Variants in C2CD3 observed in about 807,000 individuals in gnomAD.
The protein encoded by C2CD3 is C2 domain containing 3 centriole elongation regulator, also known as C2 domain-containing protein 3.
In C2CD3, 148 loss-of-function variants were observed where a neutral mutation model predicts 234.0. The ratio of observed to expected loss-of-function variants is 0.63; its 90% CI spans 0.55 to 0.72. The LOEUF (loss-of-function observed/expected upper bound fraction) is 0.72. C2CD3 is among the 30% of genes least tolerant of loss of function. The probability of loss-of-function intolerance (pLI) is 0.00; values close to 1 mark genes in which losing one functional copy is unlikely to be tolerated. For missense variants in C2CD3, 2,577 were observed against 2,811.5 expected, an observed-to-expected ratio of 0.92 and a Z score of 1.89; for synonymous variants, 1,000 against 1,035.4, an observed-to-expected ratio of 0.97 and a Z score of 0.66.
At chr11:74,150,140 GAC>G (rs1855497812) in intron 3 of C2CD3, among the ~76,000 whole-genome samples, 1 of 149,002 alleles carries the variant, frequency 6.7e-6, no homozygotes, top group Non-Finnish European at 1.5e-5. Context: ...GTACTTAATG[GAC>G]ACTTTCCTTT....
At chr11:74,092,635 T>G in intron 18 of C2CD3, 47 bp from the exon 19 acceptor site, 1 of 1,503,556 alleles carries the variant, frequency 6.7e-7, no homozygotes, top group Non-Finnish European at 9.2e-7. Context: ...AGGTGATAAA[T>G]GATTCAGTCT....
Position 74,028,325 on chromosome 11 carries a change from G to GT in C2CD3, c.6882dup (p.Leu2295ThrfsTer33). 6.5e-7 allele frequency: 1 copy of GT among 1,536,108 alleles called. No individual in the cohort carries two copies. The highest frequency in any genetic ancestry group is 8.7e-7 in the Non-Finnish European group (1 of 1,146,860). Reference sequence around the variant, plus strand: ...GCTGCTGGTGGCAAAGTTGCTGAGAGTGAAAGCATCCGCAGGGAAGCCTCC... The same window carrying GT: ...GCTGCTGGTGGCAAAGTTGCTGAGAGTTGAAAGCATCCGCAGGGAAGCCTCC... On this transcript the variant is annotated frameshift_variant, in exon 32 of 33. Transcript: ENST00000334126. LOFTEE classifies it high-confidence loss of function.
At chr11:74,056,684 C>T (rs537605760) in intron 25 of C2CD3, among the ~76,000 whole-genome samples, 2 of 152,304 alleles carry the variant, frequency 1.3e-5, no homozygotes, top group African/African-American at 4.8e-5. Flanking sequence ...CACCAGAAGT[C>T]TTTTCCAAGG....
At chr11:74,020,724 C>A (rs564278884) in intron 32 of C2CD3, among the ~76,000 whole-genome samples, 8 of 152,320 alleles carry the variant, frequency 5.3e-5, no homozygotes, top group Middle Eastern at 6.8e-3. Flanking sequence ...TGGCTTTGCA[C>A]ATTTGTTAAA....
Position 74,106,408 on chromosome 11 carries a change from T to C in C2CD3, c.2048A>G (p.Gln683Arg). Reference sequence around the variant, plus strand: ...AAATGGAGACTGACCATTTTCTTGTTGCACTGGAAGCTGATCACTGAAAGA... The same window carrying C: ...AAATGGAGACTGACCATTTTCTTGTCGCACTGGAAGCTGATCACTGAAAGA... ...LLSFSDQLPV[Q>R]QENGQSPFGP... The change falls in exon 13 of 33, where the codon CAA (glutamine) becomes CGA (arginine). Residue 683 changes from glutamine (Q) to arginine (R), a missense_variant. Gln to Arg is a conservative substitution (Grantham distance 43). Transcript: ENST00000334126. 1.9e-6 allele frequency: 3 copies of C among 1,614,166 alleles called. No individual in the cohort carries two copies. Among genetic ancestry groups the C allele is most frequent in the Non-Finnish European group, 2.5e-6 (3 of 1,179,996 alleles).
chr11:74,121,178 C>G (rs940212150), intron 8 of C2CD3, among the ~76,000 whole-genome samples: 2 of 152,262 alleles, frequency 1.3e-5, no homozygotes, highest in Middle Eastern at 3.4e-3. Flanking sequence ...GAAAAACATA[C>G]AGGCTTTTTG....
At chr11:74,021,206 T>C (rs1952069736) in intron 32 of C2CD3, among the ~76,000 whole-genome samples, 1 of 152,034 alleles carries the variant, frequency 6.6e-6, no homozygotes, top group African/African-American at 2.4e-5. Context: ...ATCATGCCAC[T>C]GCACTCCAGT....
At chr11:74,017,735 C>T (rs538528496) in intron 32 of C2CD3, among the ~76,000 whole-genome samples, 1 of 152,216 alleles carries the variant, frequency 6.6e-6, no homozygotes, top group African/African-American at 2.4e-5. Flanking sequence ...CGGGCTTATC[C>T]CGGCCCTTGG....
At chr11:74,096,882 T>G (rs1565289067) in intron 16 of C2CD3, among the ~76,000 whole-genome samples, 1 of 152,168 alleles carries the variant, frequency 6.6e-6, no homozygotes, top group East Asian at 1.9e-4. Flanking sequence ...TGGTGGTTCA[T>G]GCTTGTAATC....
At chr11:74,155,392 C>T (rs565888528) in intron 3 of C2CD3, among the ~76,000 whole-genome samples, 1 of 152,270 alleles carries the variant, frequency 6.6e-6, no homozygotes, top group African/African-American at 2.4e-5. Context: ...CCAGCAATTC[C>T]ACTTGTAGGC....
intron 5 of C2CD3, among the ~76,000 whole-genome samples, chr11:74,137,422 C>T (rs1957900520): frequency 6.6e-6 from 1 of 151,856 alleles, no homozygotes; most frequent in Admixed American, 6.6e-5. Flanking sequence ...AAGTCTGGTG[C>T]TCAAGTCTAC....
Position 74,034,056 on chromosome 11 carries a change from T to G in C2CD3, c.6104A>C (p.His2035Pro). 6.5e-7 allele frequency: 1 copy of G among 1,536,412 alleles called. No individual in the cohort carries two copies. Among genetic ancestry groups the G allele is most frequent in the Non-Finnish European group, 8.7e-7 (1 of 1,146,968 alleles). ...EETSNGGRML[H>P]ESLRHAVPIT... ...GGGTACTGCATGCCTCAGGGACTCA[T>G]GGAGCATTCTTCCTCCATTTGAAGT... Residue 2035 changes from histidine to proline, a missense_variant, in exon 31 of 33, where the codon CAT (histidine) becomes CCT (proline). Coordinates refer to ENST00000334126, the MANE Select transcript of C2CD3 (RefSeq NM_001286577.2).
chr11:74,155,557 C>T (rs990038755), intron 3 of C2CD3, among the ~76,000 whole-genome samples: 35 of 151,918 alleles, frequency 2.3e-4, no homozygotes, highest in South Asian at 2.1e-4. Flanking sequence ...ATTATTCATC[C>T]ACAAAAAGGG....
chr11:74,042,096 G>A lies in C2CD3; in HGVS notation c.5618C>T (p.Thr1873Ile). The part of the protein sequence containing the change: ...APLPCDDKLT[T>I]SPLSSQTSIL... ...GGAGGTTTGGGAGGACAAAGGTGAT[G>A]TGGTCAGTTTGTCATCACATGGCAA... The change falls in exon 29 of 33, where the codon ACA becomes ATA. Residue 1873 changes from threonine to isoleucine, a missense_variant. Transcript: ENST00000334126. 6.2e-7 allele frequency: 1 copy of A among 1,614,142 alleles called. No homozygotes were observed. The highest frequency in any genetic ancestry group is 8.5e-7 in the Non-Finnish European group (1 of 1,180,026).
chr11:74,117,901 G>A (rs908729011), intron 9 of C2CD3, among the ~76,000 whole-genome samples: 5 of 139,052 alleles, frequency 3.6e-5, no homozygotes, highest in East Asian at 2.1e-4. Context: ...AAACAAGAGC[G>A]AAACTCCGTC....
At chr11:74,133,346 G>T in intron 6 of C2CD3, 79 bp downstream of exon 6, 1 of 1,258,904 alleles carries the variant, frequency 7.9e-7, no homozygotes, top group Non-Finnish European at 1.1e-6. Context: ...AGATTACCTA[G>T]TCCATAACTT....
At chr11:74,119,784 T>C (rs11236005) in intron 8 of C2CD3, among the ~76,000 whole-genome samples, 42,880 of 151,652 alleles carry the variant, frequency 0.28, 7,065 homozygotes, top group African/African-American at 0.46. Context: ...TAAAGGAATG[T>C]GCCACCATAT....
chr11:74,043,613 T>C (rs1953193040), intron 28 of C2CD3, among the ~76,000 whole-genome samples: 1 of 152,202 alleles, frequency 6.6e-6, no homozygotes, highest in African/African-American at 2.4e-5. Context: ...AGGGTTCCAA[T>C]TTATCTACCC....
chr11:74,139,028 T>A, intron 4 of C2CD3, 61 bp from the exon 5 acceptor site: 1 of 1,431,586 alleles, frequency 7.0e-7, no homozygotes, highest in Non-Finnish European at 9.5e-7. Flanking sequence ...ACATTCTATT[T>A]TGTCAGAGAC....
Sources: allele counts gnomAD v4.1 joint callset (sites outside exome capture counted in the v4.1 genomes callset), GRCh38; gene constraint gnomAD v4.1.1; transcripts MANE v1.5; gene names NCBI Gene and HGNC (gene_info 2026-07-23, HGNC 2026-07-21).